RFTN2: variants seen among roughly 807,000 people sequenced by gnomAD.
RFTN2 encodes raftlin-2.
Under a neutral mutation model 52.7 loss-of-function variants are expected in RFTN2, and 34 were observed. The observed-to-expected ratio is 0.64, with a 90% CI of 0.49 to 0.86. RFTN2 has a LOEUF of 0.86. RFTN2 is among the 40% of genes least tolerant of loss of function. The probability of loss-of-function intolerance (pLI) is 0.00; values close to 1 mark genes in which losing one functional copy is unlikely to be tolerated. For synonymous variants in RFTN2, 203 were observed against 217.7 expected (o/e 0.93, Z 0.59); for missense variants, 536 against 600.1 (o/e 0.89, Z 1.12).
chr2:197,615,476 G>T (rs1264858753), intron 7 of RFTN2, among the ~76,000 whole-genome samples: 1 of 152,212 alleles, frequency 6.6e-6, no homozygotes, highest in Non-Finnish European at 1.5e-5. Flanking sequence ...AGGAAAGTTA[G>T]TACTTACAAA....
intron 5 of RFTN2, among the ~76,000 whole-genome samples, chr2:197,621,102 T>C (rs1295337334): frequency 6.6e-6 from 1 of 152,188 alleles, no homozygotes; most frequent in Non-Finnish European, 1.5e-5. Flanking sequence ...ACTGTCACAC[T>C]GAAGTGACCA....
chr2:197,637,112 C>G (rs2088580427), intron 3 of RFTN2, among the ~76,000 whole-genome samples: 1 of 149,878 alleles, frequency 6.7e-6, no homozygotes, highest in Admixed American at 6.6e-5. Flanking sequence ...GGTGGATAAG[C>G]TTTTTGATGT....
intron 4 of RFTN2, among the ~76,000 whole-genome samples, chr2:197,633,054 C>T (rs190246750): frequency 2.0e-5 from 3 of 152,244 alleles, no homozygotes; most frequent in Non-Finnish European, 4.4e-5. Flanking sequence ...GTATATGTAG[C>T]CTTTGCTTTT....
At chr2:197,595,852 A>G in intron 8 of RFTN2, 139 bp downstream of exon 8, 1 of 550,074 alleles carries the variant, frequency 1.8e-6, no homozygotes, top group South Asian at 2.6e-5. Flanking sequence ...CCTGATTGCT[A>G]GCACATTTCC....
In RFTN2 at chr2:197,584,461, G is replaced by GT. The variant is rs1475067980; in HGVS notation, c.1233+11529dup. Among the ~76,000 whole-genome samples, 5 of 152,164 alleles carry GT rather than the reference G, an allele frequency of 3.3e-5. No individual in the cohort carries two copies. In the East Asian group the frequency reaches 5.8e-4, roughly 18 times the overall value. ...GCTTTGCCCACTTTTTGATAGGGTT[G>GT]TTTTTTTCTTGTAAATTTGTTTGAG... On this transcript the variant is annotated intron_variant, in intron 8 of 8. Coordinates refer to ENST00000295049, the MANE Select transcript of RFTN2 (RefSeq NM_144629.3).
intron 4 of RFTN2, among the ~76,000 whole-genome samples, chr2:197,631,904 C>A (rs1474796763): frequency 1.3e-5 from 2 of 152,148 alleles, no homozygotes; most frequent in Non-Finnish European, 2.9e-5. Context: ...ACAAAAGTAT[C>A]TGGATTCCAT....
chr2:197,670,920 C>T (rs1224306644), intron 1 of RFTN2, among the ~76,000 whole-genome samples: 1 of 152,154 alleles, frequency 6.6e-6, no homozygotes, highest in East Asian at 1.9e-4. Flanking sequence ...TCTGTCCCTT[C>T]AAATCCAGCC....
At chr2:197,660,428 G>A (rs2088961875) in intron 1 of RFTN2, among the ~76,000 whole-genome samples, 1 of 151,970 alleles carries the variant, frequency 6.6e-6, no homozygotes, top group Non-Finnish European at 1.5e-5. Flanking sequence ...TGTATTAATT[G>A]AAGTAATATA....
At chr2:197,646,781 G>A (rs942364726) in intron 1 of RFTN2, 115 bp from the exon 2 acceptor site, 2 of 790,808 alleles carry the variant, frequency 2.5e-6, no homozygotes, top group Admixed American at 2.7e-5. Context: ...CGGGTGCAAT[G>A]GCACATGCGT....
rs775839031 is a variant in RFTN2, at chr2:197,633,897, A to G, written c.539T>C (p.Ile180Thr). 1.4e-5 allele frequency: 23 copies of G among 1,613,880 alleles called. No individual in the cohort carries two copies. The highest frequency in any genetic ancestry group is 2.2e-5 in the South Asian group (2 of 91,078). Residue 180 changes from isoleucine to threonine, a missense_variant, in exon 4 of 9, where the codon ATA becomes ACA. Physicochemically the swap from Ile to Thr is moderately conservative, Grantham distance 89. Coordinates refer to ENST00000295049, the MANE Select transcript of RFTN2 (RefSeq NM_144629.3). ...FCNGTNHDGD[I>T]ESMLHVRHGS... ...GTGTCTCACATGTAGCATCGATTCT[A>G]TATCTCCATCATGGTTGGTTCCATT...
At chr2:197,622,961 T>C (rs1018919988) in intron 5 of RFTN2, among the ~76,000 whole-genome samples, 2 of 152,220 alleles carry the variant, frequency 1.3e-5, no homozygotes, top group African/African-American at 4.8e-5. Context: ...CAAAATATTA[T>C]GCTTATTGAC....
intron 7 of RFTN2, among the ~76,000 whole-genome samples, chr2:197,608,985 A>T (rs1188902491): frequency 6.6e-6 from 1 of 152,184 alleles, no homozygotes; most frequent in African/African-American, 2.4e-5. Context: ...ATGGCTGCAT[A>T]GCATTGCATG....
chr2:197,596,148 T>G, intron 7 of RFTN2, 79 bp from the exon 8 acceptor site: 1 of 708,232 alleles, frequency 1.4e-6, no homozygotes, highest in Non-Finnish European at 2.3e-6. Context: ...ACATTCCATA[T>G]GTAGTTTTGT....
intron 1 of RFTN2, among the ~76,000 whole-genome samples, chr2:197,654,263 G>T (rs1336039446): frequency 1.3e-5 from 2 of 152,158 alleles, no homozygotes; most frequent in Non-Finnish European, 2.9e-5. Flanking sequence ...GCACATGCCT[G>T]TAAGTCCCAG....
At chr2:197,629,696 A>ACACACACACACACACACACACACC (rs1325493901) in intron 5 of RFTN2, among the ~76,000 whole-genome samples, 3 of 134,556 alleles carry the variant, frequency 2.2e-5, no homozygotes, top group African/African-American at 7.8e-5. Flanking sequence ...ACACACACAC[A>ACACACACACACACACACACACACC]CACATATTTA....
chr2:197,596,858 A>G (rs1196416649), intron 7 of RFTN2, among the ~76,000 whole-genome samples: 6 of 152,208 alleles, frequency 3.9e-5, no homozygotes, highest in African/African-American at 1.4e-4. Flanking sequence ...TCAGCTACTC[A>G]GTATTCTCCT....
At chr2:197,586,381 G>A (rs2087598843) in intron 8 of RFTN2, among the ~76,000 whole-genome samples, 1 of 152,174 alleles carries the variant, frequency 6.6e-6, no homozygotes, top group Admixed American at 6.5e-5. Flanking sequence ...CTAGGAGTCT[G>A]GGTAGAAGAC....
chr2:197,634,490 T>C (rs950669178), intron 3 of RFTN2, among the ~76,000 whole-genome samples: 1 of 152,106 alleles, frequency 6.6e-6, no homozygotes, highest in African/African-American at 2.4e-5. Context: ...TTGACGAATG[T>C]GTAGGTATAA....
intron 1 of RFTN2, among the ~76,000 whole-genome samples, chr2:197,660,062 A>T (rs2088956019): frequency 6.6e-6 from 1 of 152,230 alleles, no homozygotes; most frequent in South Asian, 2.1e-4. Flanking sequence ...AAAGAAAGGG[A>T]CTAGGTAACT....
Sources: gnomAD v4.1 joint callset for allele counts (sites outside exome capture counted in the v4.1 genomes callset) on GRCh38, gnomAD v4.1.1 for gene constraint, MANE v1.5 for transcripts, NCBI Gene and HGNC (gene_info 2026-07-23, HGNC 2026-07-21) for gene names.